Variants in ZMAT4 observed in about 807,000 individuals in gnomAD.
ZMAT4 encodes the protein zinc finger matrin-type protein 4.
ZMAT4 carries 17 observed loss-of-function variants against 28.7 expected under a neutral mutation model. The observed-to-expected ratio is 0.59, with a 90% CI of 0.41 to 0.89. ZMAT4 has a LOEUF of 0.89. ZMAT4 is among the 40% of genes least tolerant of loss of function. The pLI is 0.00. For missense variants in ZMAT4, 240 were observed against 283.8 expected (o/e 0.85, Z 1.11); for synonymous variants, 117 against 109.2 (o/e 1.07, Z -0.44).
intron 5 of ZMAT4, among the ~76,000 whole-genome samples, chr8:40,649,914 G>A (rs1466657466): frequency 8.6e-5 from 13 of 151,696 alleles, no homozygotes; most frequent in Admixed American, 2.6e-4. Flanking sequence ...TCTCTGGGAC[G>A]CATTCAAAGC....
intron 3 of ZMAT4, among the ~76,000 whole-genome samples, chr8:40,757,456 C>T (rs1812742556): frequency 6.6e-6 from 1 of 151,862 alleles, no homozygotes; most frequent in South Asian, 2.1e-4. Flanking sequence ...CATGATGGCA[C>T]GTGCCTGTAG....
At chr8:40,612,598 T>C (rs955464594) in intron 5 of ZMAT4, among the ~76,000 whole-genome samples, 1 of 137,042 alleles carries the variant, frequency 7.3e-6, no homozygotes, top group East Asian at 1.9e-4. Context: ...GTCCATATGT[T>C]TGTCCCGGTT....
intron 4 of ZMAT4, among the ~76,000 whole-genome samples, chr8:40,680,886 T>C (rs1023272550): frequency 6.6e-6 from 1 of 152,140 alleles, no homozygotes; most frequent in Non-Finnish European, 1.5e-5. Flanking sequence ...TTTAATTCAT[T>C]CTCACAAGGG....
chr8:40,815,838 C>G (rs1329446405), intron 2 of ZMAT4, among the ~76,000 whole-genome samples: 1 of 152,176 alleles, frequency 6.6e-6, no homozygotes, highest in Non-Finnish European at 1.5e-5. Flanking sequence ...ACAAACAGCA[C>G]ATTGTTTGCT....
At chr8:40,674,478 G>A (rs918758606) in intron 5 of ZMAT4, 135 of 517,156 alleles carry the variant, frequency 2.6e-4, no homozygotes, top group Non-Finnish European at 2.0e-4. Flanking sequence ...GGTCTGAAAA[G>A]CAGTCAATAA....
At chr8:40,739,292 C>G (rs1287112892) in intron 3 of ZMAT4, among the ~76,000 whole-genome samples, 2 of 152,142 alleles carry the variant, frequency 1.3e-5, no homozygotes, top group Admixed American at 6.6e-5. Flanking sequence ...CAAATTAGAC[C>G]CTTCTCGTAA....
intron 5 of ZMAT4, among the ~76,000 whole-genome samples, chr8:40,590,598 TGTCAAACTGAGGGCCAA>T (rs1332025363): frequency 2.0e-5 from 3 of 152,224 alleles, no homozygotes; most frequent in African/African-American, 7.2e-5. Context: ...AAACTACAAC[TGTCAAACTGAGGGCCAA>T]GTCCCTACTA....
chr8:40,793,981 G>A (rs969847538), intron 2 of ZMAT4, among the ~76,000 whole-genome samples: 11 of 152,126 alleles, frequency 7.2e-5, no homozygotes, highest in Admixed American at 3.9e-4. Flanking sequence ...CTCCCCACCC[G>A]CTGGTATTCT....
At chr8:40,792,331 T>C (rs1471085698) in intron 2 of ZMAT4, among the ~76,000 whole-genome samples, 3 of 151,306 alleles carry the variant, frequency 2.0e-5, no homozygotes, top group African/African-American at 7.3e-5. Flanking sequence ...AGTTATATAT[T>C]CCCTGAACTG....
chr8:40,881,563 AAAG>A (rs1231898831), intron 1 of ZMAT4, among the ~76,000 whole-genome samples: 24 of 103,106 alleles, frequency 2.3e-4, no homozygotes, highest in African/African-American at 8.8e-4. Flanking sequence ...AGAAAGAAAG[AAAG>A]AAAGAAAGAA....
chr8:40,628,310 C>A (rs569726368), intron 5 of ZMAT4, among the ~76,000 whole-genome samples: 1 of 152,256 alleles, frequency 6.6e-6, no homozygotes, highest in South Asian at 2.1e-4. Context: ...GATCAAAGGA[C>A]TAAAAAGATT....
At chr8:40,546,452 A>G (rs75729112) in intron 6 of ZMAT4, among the ~76,000 whole-genome samples, 5,183 of 152,254 alleles carry the variant, frequency 0.034, 142 homozygotes, top group Non-Finnish European at 0.053. Context: ...TTCACTTTCA[A>G]TTAATAGACA....
intron 2 of ZMAT4, among the ~76,000 whole-genome samples, chr8:40,776,685 T>A (rs1813608600): frequency 6.6e-6 from 1 of 152,004 alleles, no homozygotes; most frequent in African/African-American, 2.4e-5. Context: ...AGAGAAAAAA[T>A]AAAGCCAATG....
At chr8:40,568,256 C>T (rs1158644442) in intron 6 of ZMAT4, among the ~76,000 whole-genome samples, 6 of 151,968 alleles carry the variant, frequency 3.9e-5, no homozygotes, top group African/African-American at 1.5e-4. Context: ...GTGTAATGGC[C>T]ACATATAATT....
At chr8:40,667,232 T>G (rs1232618391) in intron 5 of ZMAT4, among the ~76,000 whole-genome samples, 2 of 152,108 alleles carry the variant, frequency 1.3e-5, no homozygotes, top group East Asian at 1.9e-4. Flanking sequence ...CTCTGCTCAC[T>G]GCAAGTTCTG....
intron 3 of ZMAT4, among the ~76,000 whole-genome samples, chr8:40,749,813 C>T (rs996259907): frequency 7.2e-5 from 11 of 152,284 alleles, no homozygotes; most frequent in Middle Eastern, 6.8e-3. Flanking sequence ...ATTTAGGTGA[C>T]CTCACTTTTG....
rs555922871 is a variant in ZMAT4, at chr8:40,881,350, T to G, written c.-5+16333A>C. ...GTTTCAGTGAGCTGTGAGACACCAC[T>G]GCACTCCAGCCTGGGCAACAGAGCA... is the stretch of plus-strand genomic sequence containing the variant. On this transcript the variant is annotated intron_variant, in intron 1 of 6. Transcript: ENST00000297737. 2.0e-5 allele frequency among the ~76,000 whole-genome samples: 3 copies of G among 148,316 alleles called. No homozygotes were observed. The East Asian group carries it at 6.1e-4, about 30-fold the overall frequency.
chr8:40,722,595 TA>T (rs1811148801), intron 3 of ZMAT4, among the ~76,000 whole-genome samples: 2 of 152,290 alleles, frequency 1.3e-5, no homozygotes, highest in South Asian at 4.2e-4. Flanking sequence ...ACATTCACAT[TA>T]CTCTCAAAAA....
At chr8:40,878,614 A>T (rs1818118974) in intron 1 of ZMAT4, among the ~76,000 whole-genome samples, 1 of 152,196 alleles carries the variant, frequency 6.6e-6, no homozygotes, top group Admixed American at 6.5e-5. Context: ...CATATCCTCA[A>T]AATATATTTG....
Sources: gnomAD v4.1 joint callset for allele counts (sites outside exome capture counted in the v4.1 genomes callset) on GRCh38, gnomAD v4.1.1 for gene constraint, MANE v1.5 for transcripts, NCBI Gene and HGNC (gene_info 2026-07-23, HGNC 2026-07-21) for gene names.